Variants in FLNB observed in about 807,000 individuals in gnomAD.
FLNB encodes the protein filamin-B.
In FLNB, 111 loss-of-function variants were observed where a neutral mutation model predicts 250.6. The observed-to-expected ratio is 0.44, with a 90% CI of 0.38 to 0.52. The LOEUF is 0.52. FLNB is among the 20% of genes least tolerant of loss of function. FLNB has a pLI of 0.00. For synonymous variants in FLNB, 1,302 were observed against 1,372.1 expected (o/e 0.95, Z 1.13); for missense variants, 2,869 against 3,447.8 (o/e 0.83, Z 4.20).
At chr3:58,069,460 C>T (rs2097190971) in intron 1 of FLNB, among the ~76,000 whole-genome samples, 1 of 152,014 alleles carries the variant, frequency 6.6e-6, no homozygotes, top group Non-Finnish European at 1.5e-5. Context: ...AGGCTGGTCT[C>T]GAACTCGTGA....
chr3:58,070,526 C>G (rs995442726), intron 1 of FLNB, among the ~76,000 whole-genome samples: 2 of 152,170 alleles, frequency 1.3e-5, no homozygotes, highest in Non-Finnish European at 2.9e-5. Context: ...CATGTAGCCT[C>G]TCCGGGTGGT....
Position 58,110,092 on chromosome 3 carries a change from T to A in FLNB, c.2406T>A (p.Asn802Lys). 1 of 1,614,150 alleles carries A rather than the reference T, an allele frequency of 6.2e-7. No homozygotes were observed. The highest frequency in any genetic ancestry group is 2.2e-5 in the East Asian group (1 of 44,882). Residue 802 changes from asparagine (N) to lysine (K), a missense_variant, in exon 16 of 46, where the codon AAT becomes AAA. Asn to Lys is a moderately conservative substitution (Grantham distance 94). This residue lies in a region of FLNB where 1,348 missense variants were observed against 1,466.7 expected (regional missense o/e 0.92). Transcript: ENST00000295956. Reference sequence around the variant, plus strand: ...ACGTGGATTTTGACATTATTCACAATGCCAATGATACGTTCACAGTCAAAT... The same window carrying A: ...ACGTGGATTTTGACATTATTCACAAAGCCAATGATACGTTCACAGTCAAAT... ...EEDVDFDIIH[N>K]ANDTFTVKYV...
At chr3:58,132,708 A>G (rs1354056343) in intron 25 of FLNB, 100 bp from the exon 26 acceptor site, 6 of 1,501,034 alleles carry the variant, frequency 4.0e-6, no homozygotes, top group Non-Finnish European at 5.5e-6. Flanking sequence ...GTGGAAACCA[A>G]TAGCTCTTGG....
At chr3:58,039,556 T>C (rs995678902) in intron 1 of FLNB, among the ~76,000 whole-genome samples, 1 of 152,194 alleles carries the variant, frequency 6.6e-6, no homozygotes, top group Admixed American at 6.5e-5. Flanking sequence ...CATTTCCTAC[T>C]AGACTTGACT....
At chr3:58,118,774 C>G in intron 18 of FLNB, 98 bp from the exon 19 acceptor site, 1 of 864,140 alleles carries the variant, frequency 1.2e-6, no homozygotes, top group South Asian at 1.3e-5. Context: ...TCAAGTCTCC[C>G]CTGTCCGTGA....
Position 58,138,405 on chromosome 3 carries a change from C to G in FLNB, c.4985C>G (p.Ala1662Gly). ...ACCCCAGATGGCACTGAGGCCGAGGCCGATGTCATTGAGAATGAAGATGGA... is the reference window on the plus strand; with the variant it reads ...ACCCCAGATGGCACTGAGGCCGAGGGCGATGTCATTGAGAATGAAGATGGA... ...VLTPDGTEAE[A>G]DVIENEDGTY... The change falls in exon 29 of 46, where the codon GCC (alanine) becomes GGC (glycine). Residue 1662 changes from alanine to glycine, a missense_variant. Physicochemically the swap from Ala to Gly is moderately conservative, Grantham distance 60 (BLOSUM62 0). Coordinates refer to ENST00000295956, the MANE Select transcript of FLNB (RefSeq NM_001457.4). The G allele has an allele frequency of 6.2e-7, 1 of 1,614,220 alleles. No individual in the cohort carries two copies.
intron 1 of FLNB, among the ~76,000 whole-genome samples, chr3:58,014,732 T>C (rs999739896): frequency 3.2e-4 from 48 of 152,082 alleles, no homozygotes; most frequent in African/African-American, 1.1e-3. Context: ...TTGCGTTTTC[T>C]TTTTCTTTTT....
intron 28 of FLNB, 102 bp downstream of exon 28, chr3:58,136,270 T>C: frequency 2.6e-6 from 3 of 1,137,320 alleles, no homozygotes; most frequent in Non-Finnish European, 3.9e-6. Flanking sequence ...TCTGGGCACG[T>C]TGCTCAACCT....
chr3:58,039,198 A>C (rs867029679), intron 1 of FLNB, among the ~76,000 whole-genome samples: 5,645 of 144,876 alleles, frequency 0.039, 313 homozygotes, highest in African/African-American at 0.13. Flanking sequence ...CTCTACAGGA[A>C]AAAAAAAAAA....
chr3:58,162,517 A>G (rs2097363461), intron 42 of FLNB: 1 of 152,772 alleles, frequency 6.5e-6, no homozygotes, highest in South Asian at 2.1e-4. Context: ...AAGTGGCCAA[A>G]TAGAGAAACA....
rs373464257 is a variant in FLNB, at chr3:58,124,523, C to T, written c.3898+18C>T. The T allele has an allele frequency of 1.7e-5, 28 of 1,613,464 alleles. No individual in the cohort carries two copies. The South Asian group carries it at 1.8e-4, about 10-fold the overall frequency. On this transcript the variant is annotated intron_variant, in intron 22 of 45. Transcript: ENST00000295956. ...TGAGAAAGGTGAGCCGCCCTGTCCTCGGACTGGACCCTCGTTCAGAGCTGC... is the reference window on the plus strand; with the variant it reads ...TGAGAAAGGTGAGCCGCCCTGTCCTTGGACTGGACCCTCGTTCAGAGCTGC...
At chr3:58,027,824 A>G (rs918343607) in intron 1 of FLNB, among the ~76,000 whole-genome samples, 1 of 152,234 alleles carries the variant, frequency 6.6e-6, no homozygotes, top group African/African-American at 2.4e-5. Flanking sequence ...TTTGAAAAGG[A>G]GACTTTGTGT....
At chr3:58,053,869 T>C (rs1438038496) in intron 1 of FLNB, among the ~76,000 whole-genome samples, 1 of 152,168 alleles carries the variant, frequency 6.6e-6, no homozygotes. Context: ...TCCGCTATCT[T>C]AGAGTGAAGA....
At chr3:58,146,102 A>C in intron 33 of FLNB, 53 bp downstream of exon 33, 1 of 1,606,154 alleles carries the variant, frequency 6.2e-7, no homozygotes, top group Non-Finnish European at 8.5e-7. Flanking sequence ...TTGGAGGGTG[A>C]AGTGGACACG....
At chr3:58,052,995 C>G (rs569480413) in intron 1 of FLNB, among the ~76,000 whole-genome samples, 1 of 152,112 alleles carries the variant, frequency 6.6e-6, no homozygotes, top group African/African-American at 2.4e-5. Flanking sequence ...CAGTACTGTA[C>G]TTAGTGTGTA....
intron 18 of FLNB, among the ~76,000 whole-genome samples, chr3:58,112,630 T>TACACATGTGC (rs772545155): frequency 1.3e-5 from 2 of 152,182 alleles, no homozygotes; most frequent in African/African-American, 2.4e-5. Flanking sequence ...ATCTTTCTGT[T>TACACATGTGC]ACACATGTGC....
At chr3:58,117,275 G>A (rs1056362451) in intron 18 of FLNB, among the ~76,000 whole-genome samples, 5 of 152,140 alleles carry the variant, frequency 3.3e-5, no homozygotes, top group Admixed American at 6.5e-5. Context: ...GTAAATCTCC[G>A]AGATTTTTTC....
chr3:58,060,285 G>A (rs1458054882), intron 1 of FLNB, among the ~76,000 whole-genome samples: 1 of 152,118 alleles, frequency 6.6e-6, no homozygotes, highest in African/African-American at 2.4e-5. Context: ...GGAAGGCAGA[G>A]GCGGGAGCAT....
At chr3:58,055,412 G>T (rs1318456096) in intron 1 of FLNB, among the ~76,000 whole-genome samples, 2 of 152,218 alleles carry the variant, frequency 1.3e-5, no homozygotes, top group African/African-American at 4.8e-5. Context: ...GTGGTGGTGG[G>T]CGGGCCATAT....
Sources: allele counts gnomAD v4.1 joint callset (sites outside exome capture counted in the v4.1 genomes callset), GRCh38; gene constraint gnomAD v4.1.1; regional missense constraint gnomAD v4.1.1; transcripts MANE v1.5; gene names NCBI Gene and HGNC (gene_info 2026-07-23, HGNC 2026-07-21).